Variants in NPHP3 observed in about 807,000 individuals in gnomAD.
NPHP3 encodes nephrocystin-3.
In NPHP3, 123 loss-of-function variants were observed where a neutral mutation model predicts 171.9. The ratio of observed to expected loss-of-function variants is 0.72; its 90% confidence interval spans 0.62 to 0.83. The LOEUF is 0.83. NPHP3 is among the 40% of genes least tolerant of loss of function. The probability of loss-of-function intolerance (pLI) is 0.00; values close to 1 mark genes in which losing one functional copy is unlikely to be tolerated. For synonymous variants in NPHP3, 558 were observed against 579.2 expected, an observed-to-expected ratio of 0.96 and a Z score of 0.52; for missense variants, 1,506 against 1,591.9, an observed-to-expected ratio of 0.95 and a Z score of 0.92.
intron 6 of NPHP3, 115 bp from the exon 7 acceptor site, chr3:132,708,372 G>A (rs1576678801): frequency 1.0e-6 from 1 of 976,932 alleles, no homozygotes; most frequent in African/African-American, 1.6e-5. Flanking sequence ...GGCCAGAAAA[G>A]GTCCAACTGC....
chr3:132,704,851 A>C (rs1417711744), intron 8 of NPHP3, among the ~76,000 whole-genome samples: 4 of 152,194 alleles, frequency 2.6e-5, no homozygotes, highest in African/African-American at 9.7e-5. Context: ...ATTCACTTTC[A>C]CTTGCTGCCA....
intron 18 of NPHP3, among the ~76,000 whole-genome samples, chr3:132,690,938 C>G (rs1939284454): frequency 6.6e-6 from 1 of 152,054 alleles, no homozygotes; most frequent in South Asian, 2.1e-4. Flanking sequence ...GATACATGGA[C>G]ACAAACTATT....
chr3:132,699,065 G>C (rs1011867551), intron 13 of NPHP3, among the ~76,000 whole-genome samples: 4 of 152,062 alleles, frequency 2.6e-5, no homozygotes, highest in African/African-American at 7.2e-5. Context: ...GCTAATTTTT[G>C]TATTTTTTGT....
At chr3:132,689,292 G>A (rs1314187290) in intron 19 of NPHP3, 29 bp from the exon 20 acceptor site, 1 of 1,605,440 alleles carries the variant, frequency 6.2e-7, no homozygotes, top group Admixed American at 1.7e-5. Context: ...GTACTTTAAT[G>A]AAAAACACAC....
chr3:132,715,349 C>T (rs1940021595), intron 4 of NPHP3, 131 bp from the exon 5 acceptor site: 1 of 733,176 alleles, frequency 1.4e-6, no homozygotes, highest in Non-Finnish European at 2.4e-6. Flanking sequence ...GCCATACCTT[C>T]TAGAGTAATA....
rs1021022605 is a variant in NPHP3 at position 132,704,364 on chromosome 3, A to G, written c.1358T>C (p.Leu453Pro). The G allele has an allele frequency of 1.9e-6, 3 of 1,614,166 alleles. No individual in the cohort carries two copies. The highest frequency in any genetic ancestry group is 2.5e-6 in the Non-Finnish European group (3 of 1,180,008). ...CVEKIIKQDI[L>P]GFENTDLETK... is the part of the protein sequence containing the mutation. ...CTCCAAGTCTGTGTTCTCAAAACCC[A>G]GTATGTCCTAAACACAAAGAACAAC... Residue 453 changes from leucine to proline, a missense_variant, in exon 9 of 27, where the codon CTG becomes CCG. Transcript: ENST00000337331.
At chr3:132,700,110 G>C in intron 11 of NPHP3, 49 bp from the exon 12 acceptor site, 1 of 1,598,804 alleles carries the variant, frequency 6.3e-7, no homozygotes, top group Non-Finnish European at 8.6e-7. Flanking sequence ...CGTAGTTACT[G>C]AAGTAGTTAC....
Position 132,700,011 on chromosome 3 carries a change from C to A in NPHP3, c.1794G>T (p.Lys598Asn). 1 of 1,614,102 alleles carries A rather than the reference C, an allele frequency of 6.2e-7. No homozygotes were observed. Among genetic ancestry groups the A allele is most frequent in the South Asian group, 1.1e-5 (1 of 91,088 alleles). Residue 598 changes from lysine to asparagine, a missense_variant, in exon 12 of 27, where the codon AAG (lysine) becomes AAT (asparagine). Transcript: ENST00000337331. ...SVSALTLDPA[K>N]LLEEFPRWLE... Reference sequence around the variant, plus strand: ...GCCAACGTGGAAATTCTTCCAGAAGCTTAGCAGGATCCAGTGTCAGAGCAG... The same window carrying A: ...GCCAACGTGGAAATTCTTCCAGAAGATTAGCAGGATCCAGTGTCAGAGCAG...
At chr3:132,721,028 T>C (rs961312924) in intron 1 of NPHP3, among the ~76,000 whole-genome samples, 2 of 151,990 alleles carry the variant, frequency 1.3e-5, no homozygotes, top group South Asian at 2.1e-4. Flanking sequence ...AGCAATTCTC[T>C]TGCCTCAGCC....
At position 132,719,724 on chromosome 3, in the gene NPHP3, T is replaced by G. The variant is rs771832737; in HGVS notation, c.500A>C (p.Lys167Thr). The G allele has an allele frequency of 3.1e-5, 49 of 1,561,512 alleles. No individual in the cohort carries two copies. The East Asian group carries it at 1.1e-3, about 36-fold the overall frequency. ...RAATFEHDRD[K>T]VKRQFKIFRE... ...ATTTACCTTGAATTGCCTTTTAACT[T>G]TATCTCTGTCATGTTCAAATGTTGC... Residue 167 changes from lysine to threonine, a missense_variant, in exon 2 of 27, where the codon AAA becomes ACA. By Grantham distance (78) the Lys-to-Thr change is moderately conservative. Coordinates refer to ENST00000337331, the MANE Select transcript of NPHP3 (RefSeq NM_153240.5).
intron 7 of NPHP3, among the ~76,000 whole-genome samples, chr3:132,707,450 GAC>G (rs1939784630): frequency 6.6e-6 from 1 of 151,818 alleles, no homozygotes; most frequent in Non-Finnish European, 1.5e-5. Flanking sequence ...CAGCCTGGGT[GAC>G]AGAGTGAGAC....
chr3:132,713,324 T>A lies in NPHP3; in HGVS notation c.958-38A>T, dbSNP rs199622366. 7 of 1,437,354 alleles carry A rather than the reference T, an allele frequency of 4.9e-6. No homozygotes were observed. The East Asian group carries it at 1.6e-4, about 34-fold the overall frequency. The allele number at this position is 1,437,354 out of a possible 1,614,324, so 89.0% of individuals were successfully genotyped here. A position where few individuals can be genotyped will look rare whatever the true frequency, so the allele number is the denominator to read the frequency against. ...GAAAACATACAAAAGTTTAATGTAT[T>A]TAACTAAAGATCAAGTGAGATTCAT... On this transcript the variant is annotated intron_variant, in intron 5 of 26. Coordinates refer to ENST00000337331, the MANE Select transcript of NPHP3 (RefSeq NM_153240.5).
At chr3:132,706,098 G>A (rs1213269832) in intron 7 of NPHP3, among the ~76,000 whole-genome samples, 3 of 152,098 alleles carry the variant, frequency 2.0e-5, no homozygotes, top group Non-Finnish European at 4.4e-5. Context: ...GGTGGCTCAT[G>A]CCTGTAATCC....
chr3:132,699,262 T>C lies in NPHP3; in HGVS notation c.1985+91A>G, dbSNP rs573761889. ...TCCTCACTGCAAGTTACATAAAAAA[T>C]GTGAAAACCATAAATGCATATTAAA... On this transcript the variant is annotated intron_variant, in intron 13 of 26. Transcript: ENST00000337331. 15 of 865,982 alleles carry C rather than the reference T, an allele frequency of 1.7e-5. No homozygotes were observed. The East Asian group carries it at 2.8e-4, about 16-fold the overall frequency. 53.6% of individuals were successfully genotyped at this position (865,982 alleles called of 1,614,324 possible).
chr3:132,706,220 G>A (rs996761985), intron 7 of NPHP3, among the ~76,000 whole-genome samples: 8 of 152,060 alleles, frequency 5.3e-5, no homozygotes, highest in East Asian at 1.9e-4. Context: ...TTAGCCGGGC[G>A]TGGTGGCCGG....
Position 132,688,716 on chromosome 3 carries a change from C to G in NPHP3, c.3059G>C (p.Gly1020Ala), listed in dbSNP as rs146097715. 65 of 1,613,962 alleles carry G rather than the reference C, an allele frequency of 4.0e-5. No homozygotes were observed. The highest frequency in any genetic ancestry group is 5.2e-5 in the Non-Finnish European group (61 of 1,179,988). Residue 1020 changes from glycine to alanine, a missense_variant, in exon 21 of 27, where the codon GGT (glycine) becomes GCT (alanine). Coordinates refer to ENST00000337331, the MANE Select transcript of NPHP3 (RefSeq NM_153240.5). ...ACGAGCAGTATATGGATGGTCCGCA[C>G]CATAAGCATTTTCTGAGATTTCCAA... is the stretch of plus-strand genomic sequence containing the variant. ...QALEISENAY[G>A]ADHPYTAREL...
At chr3:132,691,324 CG>C (rs1169126997) in intron 17 of NPHP3, 38 bp from the exon 18 acceptor site, 1 of 1,386,368 alleles carries the variant, frequency 7.2e-7, no homozygotes, top group Non-Finnish European at 1.0e-6. Context: ...TTCTATTTCA[CG>C]TAAGTCACTG....
Position 132,708,088 on chromosome 3 carries a change from C to G in NPHP3, c.1275+13G>C. The G allele has an allele frequency of 6.2e-7, 1 of 1,613,682 alleles. No individual in the cohort carries two copies. Among genetic ancestry groups the G allele is most frequent in the Non-Finnish European group, 8.5e-7 (1 of 1,179,734 alleles). ...AGCTAAGTGTGTTTTTCAAAAATGC[C>G]TATGAATTTTACCTTGGCTTTGCTG... On this transcript the variant is annotated intron_variant, in intron 7 of 26. Transcript: ENST00000337331.
chr3:132,682,802 G>C lies in NPHP3; in HGVS notation c.3713C>G (p.Ala1238Gly), dbSNP rs148864911. ...TAATGCTCTTTCATATAATGGCAAA[G>C]CTTCAACGTGTTTTTTCTTATTAAA... ...LYSQMKKHVE[A>G]LPLYERALKI... Residue 1238 changes from alanine to glycine, a missense_variant, in exon 26 of 27, where the codon GCT (alanine) becomes GGT (glycine). Physicochemically the swap from Ala to Gly is moderately conservative, Grantham distance 60. Transcript: ENST00000337331. The C allele has an allele frequency of 1.9e-6, 3 of 1,608,092 alleles. No homozygotes were observed. The highest frequency in any genetic ancestry group is 2.6e-6 in the Non-Finnish European group (3 of 1,174,586).
Sources: gnomAD v4.1 joint callset for allele counts (sites outside exome capture counted in the v4.1 genomes callset) on GRCh38, gnomAD v4.1.1 for gene constraint, MANE v1.5 for transcripts, NCBI Gene and HGNC (gene_info 2026-07-23, HGNC 2026-07-21) for gene names.